Variants in ACVR1 observed in about 807,000 individuals in gnomAD.
ACVR1 encodes activin A receptor type 1.
A neutral mutation model predicts 57.1 loss-of-function variants in ACVR1; 38 were observed. That is an observed-to-expected ratio of 0.67 (90% CI 0.51 to 0.87). ACVR1 has a LOEUF of 0.87. ACVR1 is among the 40% of genes least tolerant of loss of function. The probability of loss-of-function intolerance (pLI) is 0.00; values close to 1 mark genes in which losing one functional copy is unlikely to be tolerated. For missense variants in ACVR1, 463 were observed against 638.2 expected, an observed-to-expected ratio of 0.73 and a Z score of 2.96; for synonymous variants, 212 against 228.1, an observed-to-expected ratio of 0.93 and a Z score of 0.63.
chr2:157,755,703 T>C (rs1232531685), intron 9 of ACVR1, among the ~76,000 whole-genome samples: 1 of 152,098 alleles, frequency 6.6e-6, no homozygotes, highest in African/African-American at 2.4e-5. Context: ...TGCTCATGGA[T>C]AGGTAGAATC....
At chr2:157,860,638 T>C (rs1430009673) in intron 1 of ACVR1, among the ~76,000 whole-genome samples, 1 of 152,236 alleles carries the variant, frequency 6.6e-6, no homozygotes, top group Non-Finnish European at 1.5e-5. Flanking sequence ...AAGCACCTTA[T>C]ACACTATTAA....
intron 1 of ACVR1, among the ~76,000 whole-genome samples, chr2:157,851,988 T>A (rs1200405752): frequency 6.7e-6 from 1 of 148,792 alleles, no homozygotes; most frequent in Non-Finnish European, 1.5e-5. Context: ...CAATGTAAGA[T>A]TATTATGTTC....
intron 3 of ACVR1, among the ~76,000 whole-genome samples, chr2:157,789,788 C>A (rs1249046634): frequency 2.0e-5 from 3 of 152,202 alleles, no homozygotes; most frequent in Non-Finnish European, 4.4e-5. Context: ...GACTAACAAT[C>A]ACTAGGGATT....
At chr2:157,760,538 A>T (rs1685605742) in intron 9 of ACVR1, among the ~76,000 whole-genome samples, 1 of 152,238 alleles carries the variant, frequency 6.6e-6, no homozygotes, top group Non-Finnish European at 1.5e-5. Context: ...CATATTACAT[A>T]CATTTATCAA....
At chr2:157,849,478 T>C (rs1293243598) in intron 1 of ACVR1, among the ~76,000 whole-genome samples, 1 of 152,216 alleles carries the variant, frequency 6.6e-6, no homozygotes, top group Admixed American at 6.5e-5. Context: ...ATCAAAACTG[T>C]AGCTTACAGA....
intron 2 of ACVR1, among the ~76,000 whole-genome samples, chr2:157,800,996 C>T (rs1431542101): frequency 3.9e-5 from 6 of 152,114 alleles, no homozygotes; most frequent in African/African-American, 9.7e-5. Flanking sequence ...TATCAGCCCC[C>T]GGCATGGAAT....
At chr2:157,745,778 A>G (rs1185348881) in intron 9 of ACVR1, among the ~76,000 whole-genome samples, 1 of 152,186 alleles carries the variant, frequency 6.6e-6, no homozygotes, top group Non-Finnish European at 1.5e-5. Flanking sequence ...GTCATGAAAC[A>G]TGTTGGATAT....
At chr2:157,808,980 G>A (rs1687657078) in intron 2 of ACVR1, among the ~76,000 whole-genome samples, 1 of 151,678 alleles carries the variant, frequency 6.6e-6, no homozygotes. Flanking sequence ...TTACAGCAAT[G>A]TGAGGCAAGA....
chr2:157,790,465 A>G (rs1345664918), intron 3 of ACVR1, among the ~76,000 whole-genome samples: 2 of 152,210 alleles, frequency 1.3e-5, no homozygotes, highest in South Asian at 2.1e-4. Context: ...TTGACACTCC[A>G]TGGCAACACA....
chr2:157,792,328 T>G (rs1284300143), intron 3 of ACVR1, among the ~76,000 whole-genome samples: 1 of 152,198 alleles, frequency 6.6e-6, no homozygotes, highest in Non-Finnish European at 1.5e-5. Flanking sequence ...GGAAACACCC[T>G]GCTTGCAGGG....
chr2:157,751,388 C>G (rs1685186306), intron 9 of ACVR1, among the ~76,000 whole-genome samples: 1 of 152,198 alleles, frequency 6.6e-6, no homozygotes, highest in Admixed American at 6.5e-5. Context: ...GGGAAAAGAC[C>G]ACGGGGAGAT....
intron 1 of ACVR1, among the ~76,000 whole-genome samples, chr2:157,826,111 CT>C (rs909761544): frequency 2.6e-5 from 4 of 152,176 alleles, no homozygotes; most frequent in Admixed American, 2.0e-4. Context: ...ATCTCAGGCA[CT>C]TTTACAAGAG....
intron 8 of ACVR1, 63 bp from the exon 9 acceptor site, chr2:157,761,140 G>A: frequency 6.4e-7 from 1 of 1,555,544 alleles, no homozygotes. Context: ...GCTGCTGAAG[G>A]ATTTTAAACC....
chr2:157,840,155 C>T (rs1051437271), intron 1 of ACVR1, among the ~76,000 whole-genome samples: 1 of 152,138 alleles, frequency 6.6e-6, no homozygotes, highest in African/African-American at 2.4e-5. Context: ...AAAAGAGAAC[C>T]TGCTGAGGAT....
At chr2:157,837,235 T>G (rs950275919) in intron 1 of ACVR1, among the ~76,000 whole-genome samples, 12 of 152,188 alleles carry the variant, frequency 7.9e-5, no homozygotes, top group African/African-American at 2.7e-4. Flanking sequence ...TCTTTTGAAT[T>G]TACAGGGATG....
At chr2:157,844,615 T>C (rs529704548) in intron 1 of ACVR1, among the ~76,000 whole-genome samples, 8 of 152,132 alleles carry the variant, frequency 5.3e-5, no homozygotes, top group Non-Finnish European at 1.0e-4. Flanking sequence ...AATAAAAAAA[T>C]TGATCATCTG....
intron 1 of ACVR1, among the ~76,000 whole-genome samples, chr2:157,874,432 G>T (rs367564888): frequency 6.6e-6 from 1 of 152,214 alleles, no homozygotes; most frequent in African/African-American, 2.4e-5. Flanking sequence ...GAAGCTGCAT[G>T]GCGAGGCCGA....
chr2:157,766,210 GA>G lies in ACVR1; in HGVS notation c.791-15del, dbSNP rs761875726. The G allele has an allele frequency of 1.9e-6, 3 of 1,613,324 alleles. No individual in the cohort carries two copies. Among genetic ancestry groups the G allele is most frequent in the Non-Finnish European group, 2.5e-6 (3 of 1,179,622 alleles). On this transcript the variant is annotated splice_polypyrimidine_tract_variant and intron_variant, in intron 7 of 10. Transcript: ENST00000434821. ...AAGCAATGAAACCTGGAGAGAGCAA[GA>G]AAAAAATTAATATACATGAGGATTC...
At chr2:157,841,900 G>A (rs1485509145) in intron 1 of ACVR1, among the ~76,000 whole-genome samples, 2 of 151,488 alleles carry the variant, frequency 1.3e-5, no homozygotes, top group Non-Finnish European at 2.9e-5. Flanking sequence ...TGTGGCAGGC[G>A]CCTGTAGGGT....
Sources: allele counts gnomAD v4.1 joint callset (sites outside exome capture counted in the v4.1 genomes callset), GRCh38; gene constraint gnomAD v4.1.1; transcripts MANE v1.5; gene names NCBI Gene and HGNC (gene_info 2026-07-23, HGNC 2026-07-21).